The following VWA8 variants were observed in gnomAD, a reference collection of about 807,000 sequenced individuals.
The protein encoded by VWA8 is von Willebrand factor A domain containing 8, also known as von Willebrand factor A domain-containing protein 8.
A neutral mutation model predicts 241.5 loss-of-function variants in VWA8; 221 were observed. The observed-to-expected ratio is 0.91, with a 90% confidence interval of 0.82 to 1.02. The LOEUF (loss-of-function observed/expected upper bound fraction) is 1.02. Among genes scored for constraint, VWA8 ranks in the 50% least tolerant of loss-of-function variants. The pLI, the probability that VWA8 is intolerant of heterozygous loss-of-function variation, is 0.00. For synonymous variants in VWA8, 852 were observed against 827.1 expected (o/e 1.03, Z -0.52); for missense variants, 2,322 against 2,328.7 (o/e 1.00, Z 0.06).
chr13:41,866,350 A>C (rs1289473004), intron 10 of VWA8, among the ~76,000 whole-genome samples: 1 of 146,898 alleles, frequency 6.8e-6, no homozygotes, highest in African/African-American at 2.5e-5. Context: ...CTCTGTCCCA[A>C]AAAAAAAAAT....
chr13:41,769,511 T>C (rs915545627), intron 20 of VWA8, among the ~76,000 whole-genome samples: 2 of 152,210 alleles, frequency 1.3e-5, no homozygotes, highest in Non-Finnish European at 1.5e-5. Context: ...AAATTTCCCA[T>C]AACAGAAACA....
chr13:41,673,555 A>C (rs1369002533), intron 36 of VWA8, among the ~76,000 whole-genome samples: 1 of 152,376 alleles, frequency 6.6e-6, no homozygotes, highest in South Asian at 2.1e-4. Flanking sequence ...CTTTAAGTGT[A>C]AAATACATAC....
chr13:41,846,048 CT>C (rs11288349), intron 12 of VWA8, among the ~76,000 whole-genome samples: 12,916 of 141,950 alleles, frequency 0.091, 710 homozygotes, highest in African/African-American at 0.18. Context: ...CTTTTTAGTT[CT>C]TTTTTTTTTT....
At chr13:41,878,637 C>T (rs1353267418) in intron 9 of VWA8, among the ~76,000 whole-genome samples, 1 of 152,096 alleles carries the variant, frequency 6.6e-6, no homozygotes, top group East Asian at 1.9e-4. Context: ...CATACTTTCT[C>T]CTCTTATCTA....
intron 40 of VWA8, among the ~76,000 whole-genome samples, chr13:41,591,132 T>C (rs916147231): frequency 6.6e-6 from 1 of 152,218 alleles, no homozygotes; most frequent in Admixed American, 6.5e-5. Context: ...TAACATTGTC[T>C]GTAAGCCCAG....
chr13:41,715,339 G>T (rs1258845233), intron 26 of VWA8, among the ~76,000 whole-genome samples: 1 of 151,732 alleles, frequency 6.6e-6, no homozygotes, highest in Admixed American at 6.6e-5. Context: ...TCTATGAAAT[G>T]ACAATTTTCT....
chr13:41,829,284 C>T (rs1457424763), intron 14 of VWA8, among the ~76,000 whole-genome samples: 3 of 152,086 alleles, frequency 2.0e-5, no homozygotes, highest in Non-Finnish European at 4.4e-5. Flanking sequence ...CACTTTTACA[C>T]TGCTGGTGGC....
intron 2 of VWA8, among the ~76,000 whole-genome samples, chr13:41,947,730 T>C (rs138600076): frequency 6.6e-6 from 1 of 150,878 alleles, no homozygotes; most frequent in Non-Finnish European, 1.5e-5. Flanking sequence ...AGGACAGGAG[T>C]TTGAGACCAG....
At chr13:41,772,871 T>C (rs986717070) in intron 20 of VWA8, among the ~76,000 whole-genome samples, 5 of 152,222 alleles carry the variant, frequency 3.3e-5, no homozygotes, top group African/African-American at 9.7e-5. Flanking sequence ...TTGGGTTTAG[T>C]AAAGATGTTA....
Position 41,709,766 on chromosome 13 carries a change from TCTC to T in VWA8, c.3117-6358_3117-6356del, listed in dbSNP as rs760228969. The stretch of plus-strand genomic sequence containing the variant: ...ATGAGTCACTCTGTCTCTCTGTCTC[TCTC>T]TCTTTTTTTTTTTTTTTTAAGAAAC... On this transcript the variant is annotated intron_variant, in intron 26 of 44. Coordinates refer to ENST00000379310, the MANE Select transcript of VWA8 (RefSeq NM_015058.2). Among the ~76,000 whole-genome samples the T allele has an allele frequency of 5.2e-3, 734 of 141,328 alleles. 11 individuals carry two copies. The highest frequency in any genetic ancestry group is 0.048 in the East Asian group (242 of 5,076). 92.7% of individuals were successfully genotyped at this position (141,328 alleles called of 152,430 possible). A position where few individuals can be genotyped will look rare whatever the true frequency, so the allele number is the denominator to read the frequency against.
chr13:41,675,304 C>T lies in VWA8; in HGVS notation c.4328-8G>A, dbSNP rs768108431. ...TTTGTGGAGGAGTAACATCTACAAA[C>T]AAGTCATGACATGAGCCAAGTATTA... On this transcript the variant is annotated splice_polypyrimidine_tract_variant and splice_region_variant and intron_variant, in intron 35 of 44. Transcript: ENST00000379310. The T allele has an allele frequency of 5.6e-6, 9 of 1,599,714 alleles. No individual in the cohort carries two copies. Among genetic ancestry groups the T allele is most frequent in the Non-Finnish European group, 7.7e-6 (9 of 1,170,264 alleles).
At chr13:41,645,959 T>C (rs1478641625) in intron 37 of VWA8, among the ~76,000 whole-genome samples, 1 of 151,774 alleles carries the variant, frequency 6.6e-6, no homozygotes, top group African/African-American at 2.4e-5. Context: ...TTATCAAATT[T>C]TCCTGATTTT....
chr13:41,841,615 T>C (rs1480026719), intron 12 of VWA8, among the ~76,000 whole-genome samples: 1 of 149,114 alleles, frequency 6.7e-6, no homozygotes, highest in Non-Finnish European at 1.5e-5. Flanking sequence ...TGAAACCCCG[T>C]CTCTACTAAA....
intron 2 of VWA8, chr13:41,927,322 GA>G: frequency 1.9e-6 from 1 of 529,010 alleles, no homozygotes; most frequent in Non-Finnish European, 3.9e-6. Flanking sequence ...TGATATGCTG[GA>G]AAGCACAACA....
chr13:41,780,264 A>G (rs945909713), intron 19 of VWA8, among the ~76,000 whole-genome samples: 1 of 149,100 alleles, frequency 6.7e-6, no homozygotes, highest in Non-Finnish European at 1.5e-5. Context: ...CATGGCTTCA[A>G]TGACCAGCTC....
chr13:41,950,990 C>T (rs1429641197), intron 1 of VWA8, among the ~76,000 whole-genome samples: 2 of 152,024 alleles, frequency 1.3e-5, no homozygotes, highest in Non-Finnish European at 2.9e-5. Flanking sequence ...ACCTTTAACA[C>T]AGATCCTCAA....
At chr13:41,856,388 A>T (rs1449422371) in intron 12 of VWA8, among the ~76,000 whole-genome samples, 1 of 152,206 alleles carries the variant, frequency 6.6e-6, no homozygotes, top group Non-Finnish European at 1.5e-5. Flanking sequence ...CTAGAAAGGC[A>T]ATAACTGAAT....
At chr13:41,888,983 C>A (rs1874686852) in intron 5 of VWA8, among the ~76,000 whole-genome samples, 1 of 152,140 alleles carries the variant, frequency 6.6e-6, no homozygotes, top group Non-Finnish European at 1.5e-5. Flanking sequence ...CTAAATATTT[C>A]TCTTTTTCAT....
At chr13:41,741,946 G>A (rs902606158) in intron 21 of VWA8, among the ~76,000 whole-genome samples, 1 of 152,206 alleles carries the variant, frequency 6.6e-6, no homozygotes, top group Non-Finnish European at 1.5e-5. Flanking sequence ...ACAGAGTCCT[G>A]ATTATGGAAT....
Sources: allele counts gnomAD v4.1 joint callset (sites outside exome capture counted in the v4.1 genomes callset), GRCh38; gene constraint gnomAD v4.1.1; transcripts MANE v1.5; gene names NCBI Gene and HGNC (gene_info 2026-07-23, HGNC 2026-07-21).